Variants in XYLT1 observed in about 807,000 individuals in gnomAD.
XYLT1 encodes the protein xylosyltransferase 1.
Under a neutral mutation model 91.3 loss-of-function variants are expected in XYLT1, and 36 were observed. The ratio of observed to expected loss-of-function variants is 0.39; its 90% CI spans 0.30 to 0.52. The LOEUF is 0.52. Among genes scored for constraint, XYLT1 ranks in the 20% least tolerant of loss-of-function variants. XYLT1 has a pLI of 0.68. For missense variants in XYLT1, 1,242 were observed against 1,284.5 expected, an observed-to-expected ratio of 0.97 and a Z score of 0.51; for synonymous variants, 588 against 532.0, an observed-to-expected ratio of 1.11 and a Z score of -1.45.
At chr16:17,428,752 G>A (rs1393702408) in intron 1 of XYLT1, among the ~76,000 whole-genome samples, 2 of 152,154 alleles carry the variant, frequency 1.3e-5, no homozygotes, top group African/African-American at 2.4e-5. Flanking sequence ...ACCAAACTAG[G>A]TCTCTTTTTT....
intron 5 of XYLT1, among the ~76,000 whole-genome samples, chr16:17,160,950 A>G (rs2031534715): frequency 6.6e-6 from 1 of 152,164 alleles, no homozygotes; most frequent in African/African-American, 2.4e-5. Context: ...TCTCCGCAAC[A>G]GTTCATTATT....
At position 17,152,268 on chromosome 16, in the gene XYLT1, C is replaced by T. The variant is rs138953546; in HGVS notation, c.1370+6561G>A. 3.9e-5 allele frequency among the ~76,000 whole-genome samples: 6 copies of T among 152,322 alleles called. No individual in the cohort carries two copies. The East Asian group carries it at 7.7e-4, about 20-fold the overall frequency. ...GTTCTAAAGATGACCTAAAAACACACGCTGAGGCCCAGGGAGGTATGTGTG... is the reference window on the plus strand; with the variant it reads ...GTTCTAAAGATGACCTAAAAACACATGCTGAGGCCCAGGGAGGTATGTGTG... On this transcript the variant is annotated intron_variant, in intron 6 of 11. Coordinates refer to ENST00000261381, the MANE Select transcript of XYLT1 (RefSeq NM_022166.4).
intron 5 of XYLT1, among the ~76,000 whole-genome samples, chr16:17,187,224 T>C (rs2032203491): frequency 6.6e-6 from 1 of 151,552 alleles, no homozygotes. Context: ...AAACCCTGTC[T>C]CTACTAAAAA....
chr16:17,214,265 C>T (rs1321864737), intron 3 of XYLT1, among the ~76,000 whole-genome samples: 2 of 152,186 alleles, frequency 1.3e-5, no homozygotes, highest in Non-Finnish European at 2.9e-5. Context: ...GTTTTGAAAT[C>T]GGACAGATCT....
chr16:17,413,215 T>A (rs147576327), intron 1 of XYLT1, among the ~76,000 whole-genome samples: 9 of 152,202 alleles, frequency 5.9e-5, no homozygotes, highest in African/African-American at 2.2e-4. Context: ...AAGTAACATA[T>A]CTGATGATGG....
At chr16:17,137,927 C>G (rs1004254066) in intron 8 of XYLT1, among the ~76,000 whole-genome samples, 1 of 152,122 alleles carries the variant, frequency 6.6e-6, no homozygotes, top group African/African-American at 2.4e-5. Context: ...GCCACAATGG[C>G]AAGAGTTCTG....
chr16:17,440,863 A>G (rs956974658), intron 1 of XYLT1, among the ~76,000 whole-genome samples: 6 of 152,050 alleles, frequency 3.9e-5, no homozygotes, highest in Non-Finnish European at 8.8e-5. Context: ...TAGAAATCTA[A>G]AGCAAAGGTG....
intron 1 of XYLT1, among the ~76,000 whole-genome samples, chr16:17,364,104 T>G (rs1272154092): frequency 1.3e-5 from 2 of 151,846 alleles, no homozygotes; most frequent in Non-Finnish European, 2.9e-5. Flanking sequence ...GGAGGAAGGG[T>G]TTCAACATAT....
chr16:17,286,786 A>G (rs896392068), intron 2 of XYLT1, among the ~76,000 whole-genome samples: 2 of 152,178 alleles, frequency 1.3e-5, no homozygotes, highest in Admixed American at 6.5e-5. Context: ...GCCATCGTTG[A>G]TTGTGTCCTT....
chr16:17,459,061 A>G (rs2036781430), intron 1 of XYLT1, among the ~76,000 whole-genome samples: 1 of 152,122 alleles, frequency 6.6e-6, no homozygotes, highest in South Asian at 2.1e-4. Flanking sequence ...AAAAGCAACT[A>G]AAAGAACGCA....
Position 17,192,145 on chromosome 16 carries a change from C to G in XYLT1, c.1289+6067G>C, listed in dbSNP as rs13330586. ...TGGAGTTTCACTCCTGCTGCCCGGG[C>G]TGGAGTGCAATGTCATGATCTCAGC... On this transcript the variant is annotated intron_variant, in intron 5 of 11. Transcript: ENST00000261381. 5.8e-3 allele frequency among the ~76,000 whole-genome samples: 839 copies of G among 143,634 alleles called. 7 individuals are homozygous for G. The highest frequency in any genetic ancestry group is 0.021 in the African/African-American group (782 of 38,118). 94.2% of individuals were successfully genotyped at this position (143,634 alleles called of 152,430 possible).
intron 2 of XYLT1, among the ~76,000 whole-genome samples, chr16:17,340,341 G>A (rs941004417): frequency 6.6e-6 from 1 of 152,236 alleles, no homozygotes; most frequent in Admixed American, 6.5e-5. Context: ...GAATGTGCCT[G>A]CAGCTCAGCT....
At chr16:17,254,216 C>T (rs1318111982) in intron 3 of XYLT1, among the ~76,000 whole-genome samples, 2 of 152,180 alleles carry the variant, frequency 1.3e-5, no homozygotes, top group African/African-American at 4.8e-5. Context: ...TCCTGCCATC[C>T]CTGAGACAGC....
At chr16:17,170,737 CA>C (rs1190918902) in intron 5 of XYLT1, among the ~76,000 whole-genome samples, 1 of 152,186 alleles carries the variant, frequency 6.6e-6, no homozygotes, top group African/African-American at 2.4e-5. Flanking sequence ...TGGGTTTATT[CA>C]AATAATCACC....
chr16:17,387,539 T>G (rs2035761724), intron 1 of XYLT1, among the ~76,000 whole-genome samples: 1 of 152,212 alleles, frequency 6.6e-6, no homozygotes, highest in African/African-American at 2.4e-5. Flanking sequence ...GTGATCATTA[T>G]TATCATCATT....
intron 1 of XYLT1, among the ~76,000 whole-genome samples, chr16:17,368,251 C>A (rs1369761985): frequency 2.6e-5 from 4 of 152,128 alleles, no homozygotes; most frequent in Non-Finnish European, 5.9e-5. Context: ...GATGAGAACA[C>A]CTGGCTGGAA....
chr16:17,202,517 C>A (rs1303731220), intron 3 of XYLT1, among the ~76,000 whole-genome samples: 1 of 152,178 alleles, frequency 6.6e-6, no homozygotes, highest in South Asian at 2.1e-4. Flanking sequence ...CAAACAAGCT[C>A]ATTTCTGCCT....
chr16:17,470,411 C>A, intron 1 of XYLT1, 23 bp downstream of exon 1: 1 of 1,225,730 alleles, frequency 8.2e-7, no homozygotes, highest in Non-Finnish European at 1.0e-6. Flanking sequence ...CGCCGCGGGG[C>A]GCGAGCCGAA....
At chr16:17,435,471 G>A (rs2036444872) in intron 1 of XYLT1, among the ~76,000 whole-genome samples, 3 of 152,088 alleles carry the variant, frequency 2.0e-5, no homozygotes, top group South Asian at 4.1e-4. Context: ...AAAAGGCAAC[G>A]GCAGCTGCAG....
Sources: gnomAD v4.1 joint callset for allele counts (sites outside exome capture counted in the v4.1 genomes callset) on GRCh38, gnomAD v4.1.1 for gene constraint, MANE v1.5 for transcripts, NCBI Gene and HGNC (gene_info 2026-07-23, HGNC 2026-07-21) for gene names.